The following GNAT3 variants were observed in gnomAD, a reference collection of about 807,000 sequenced individuals.
GNAT3 encodes the protein G protein subunit alpha transducin 3, also known as guanine nucleotide-binding protein G(t) subunit alpha-3.
In GNAT3, 31 loss-of-function variants were observed where a neutral mutation model predicts 37.7. That is an observed-to-expected ratio of 0.82 (90% CI 0.62 to 1.11). The LOEUF (loss-of-function observed/expected upper bound fraction) is 1.11, where lower values mean the gene tolerates loss of function less well. GNAT3 is among the 50% of genes most tolerant of loss of function. The probability of loss-of-function intolerance (pLI) is 0.00; values close to 1 mark genes in which losing one functional copy is unlikely to be tolerated. For missense variants in GNAT3, 437 were observed against 412.5 expected, an observed-to-expected ratio of 1.06 and a Z score of -0.51; for synonymous variants, 138 against 139.8, an observed-to-expected ratio of 0.99 and a Z score of 0.09.
chr7:80,495,184 C>T (rs563432492), intron 1 of GNAT3, among the ~76,000 whole-genome samples: 4 of 152,134 alleles, frequency 2.6e-5, no homozygotes, highest in African/African-American at 9.6e-5. Context: ...ATAAATAGTG[C>T]TGCAATAAAC....
At chr7:80,497,587 C>CGT (rs1562732799) in intron 1 of GNAT3, among the ~76,000 whole-genome samples, 2 of 134,952 alleles carry the variant, frequency 1.5e-5, no homozygotes, top group African/African-American at 6.0e-5. Context: ...TACGTATATA[C>CGT]ATATACGTAT....
At chr7:80,497,579 C>T (rs967142776) in intron 1 of GNAT3, among the ~76,000 whole-genome samples, 3 of 132,494 alleles carry the variant, frequency 2.3e-5, no homozygotes, top group African/African-American at 5.7e-5. Context: ...TATACATATA[C>T]GTATATACAT....
chr7:80,476,047 G>A (rs987169142), intron 4 of GNAT3, among the ~76,000 whole-genome samples: 3 of 151,980 alleles, frequency 2.0e-5, no homozygotes, highest in Admixed American at 2.0e-4. Context: ...TGTGGTAGGT[G>A]TGTTGTTGGT....
chr7:80,471,198 T>A (rs1190155013), intron 5 of GNAT3, among the ~76,000 whole-genome samples: 1 of 150,290 alleles, frequency 6.7e-6, no homozygotes, highest in Non-Finnish European at 1.5e-5. Context: ...TCTTTTCACA[T>A]TTTTCTGCTT....
At chr7:80,472,141 A>T (rs1459435711) in intron 5 of GNAT3, among the ~76,000 whole-genome samples, 1 of 152,094 alleles carries the variant, frequency 6.6e-6, no homozygotes, top group African/African-American at 2.4e-5. Flanking sequence ...AATTTTTTTT[A>T]AAAGGAAAGC....
chr7:80,462,363 G>T, intron 6 of GNAT3, 51 bp from the exon 7 acceptor site: 1 of 1,573,032 alleles, frequency 6.4e-7, no homozygotes, highest in Non-Finnish European at 8.7e-7. Flanking sequence ...TGCAAAATGT[G>T]AATGTTGAGC....
At chr7:80,475,362 A>T (rs949349891) in intron 4 of GNAT3, among the ~76,000 whole-genome samples, 4 of 126,074 alleles carry the variant, frequency 3.2e-5, no homozygotes, top group African/African-American at 1.3e-4. Context: ...TCTTCATACT[A>T]AAAAAAAAAA....
intron 1 of GNAT3, among the ~76,000 whole-genome samples, chr7:80,496,042 C>A (rs903511105): frequency 4.6e-5 from 7 of 152,108 alleles, no homozygotes; most frequent in African/African-American, 1.4e-4. Flanking sequence ...CTGTGCAGAG[C>A]TTTTCGTTTG....
rs117055392 is a variant in GNAT3, at chr7:80,489,754, G to C, written c.162-1078C>G. On this transcript the variant is annotated intron_variant, in intron 2 of 7. Transcript: ENST00000398291. The stretch of plus-strand genomic sequence containing the variant: ...ACATAAGTAAATAAAATAGACAAAG[G>C]CTGTAGAAAAAAATGCAGTAAAATG... Among the ~76,000 whole-genome samples the C allele has an allele frequency of 1.5e-3, 221 of 152,116 alleles. 3 individuals carry two copies. In the East Asian group the frequency reaches 0.038, roughly 26 times the overall value.
At chr7:80,459,326 T>C (rs1790010171) in intron 7 of GNAT3, among the ~76,000 whole-genome samples, 1 of 152,178 alleles carries the variant, frequency 6.6e-6, no homozygotes, top group Non-Finnish European at 1.5e-5. Flanking sequence ...ATTGTAGCAC[T>C]AGACTTGAGG....
In GNAT3 at chr7:80,474,343, C is replaced by G. The variant is rs937684471; in HGVS notation, c.498G>C (p.Gly166=). 32 of 1,552,794 alleles carry G rather than the reference C, an allele frequency of 2.1e-5. No individual in the cohort carries two copies. In the Admixed American group the frequency reaches 3.1e-4, roughly 15 times the overall value. ...GAACATCTTGTTCATTTGGCACATA[C>G]CCAGATGCTGTTATTCTATCTAAAT... ...LNDLDRITAS[G]YVPNEQDVLH... The change falls in exon 5 of 8, where the codon GGG becomes GGC. Residue 166 remains glycine (G), a synonymous_variant. Coordinates refer to ENST00000398291, the MANE Select transcript of GNAT3 (RefSeq NM_001102386.3).
At chr7:80,471,327 A>G (rs1027910781) in intron 5 of GNAT3, among the ~76,000 whole-genome samples, 5 of 151,574 alleles carry the variant, frequency 3.3e-5, no homozygotes, top group Non-Finnish European at 5.9e-5. Flanking sequence ...ACCCTCAGAG[A>G]CACACCCAAG....
chr7:80,462,216 T>A lies in GNAT3; in HGVS notation c.817A>T (p.Ile273Phe). ...SIVLFLNKKD[I>F]FQEKVTKVHL... The stretch of plus-strand genomic sequence containing the variant: ...ACCTTGGTTACCTTTTCTTGAAAGA[T>A]ATCTTTTTTGTTGAGGAACAGGACA... Residue 273 changes from isoleucine (I) to phenylalanine (F), a missense_variant, in exon 7 of 8, where the codon ATC becomes TTC. Ile to Phe is a conservative substitution (Grantham distance 21). Coordinates refer to ENST00000398291, the MANE Select transcript of GNAT3 (RefSeq NM_001102386.3). 4.4e-6 allele frequency: 7 copies of A among 1,606,830 alleles called. No homozygotes were observed. Among genetic ancestry groups the A allele is most frequent in the Non-Finnish European group, 6.0e-6 (7 of 1,175,782 alleles).
chr7:80,510,334 A>G lies in GNAT3; in HGVS notation c.118+1475T>C, dbSNP rs117199280. On this transcript the variant is annotated intron_variant, in intron 1 of 7. Transcript: ENST00000398291. ...GGCTTTCCATTTGTATTTTTACAAA[A>G]TAAGAGAATATGTAAAAAAATAGAT... 1.4e-3 allele frequency among the ~76,000 whole-genome samples: 217 copies of G among 152,302 alleles called. 2 individuals are homozygous for G. The highest frequency in any genetic ancestry group is 0.012 in the East Asian group (63 of 5,184).
intron 5 of GNAT3, among the ~76,000 whole-genome samples, chr7:80,473,183 G>A (rs527905915): frequency 2.0e-5 from 3 of 152,208 alleles, no homozygotes; most frequent in East Asian, 1.9e-4. Flanking sequence ...GATCCCAATC[G>A]GTGCAGTCCC....
intron 2 of GNAT3, among the ~76,000 whole-genome samples, chr7:80,490,653 CAAGCACTATTGT>C (rs765976207): frequency 2.0e-5 from 3 of 152,134 alleles, no homozygotes; most frequent in Non-Finnish European, 2.9e-5. Context: ...CAATATGTGC[CAAGCACTATTGT>C]AAGCACTTCA....
chr7:80,475,637 C>T (rs1315745677), intron 4 of GNAT3, among the ~76,000 whole-genome samples: 1 of 151,758 alleles, frequency 6.6e-6, no homozygotes, highest in Non-Finnish European at 1.5e-5. Flanking sequence ...ATTGTTTGTT[C>T]AGTGATTAAG....
At chr7:80,504,035 G>A (rs1484308903) in intron 1 of GNAT3, among the ~76,000 whole-genome samples, 2 of 152,140 alleles carry the variant, frequency 1.3e-5, no homozygotes, top group Non-Finnish European at 2.9e-5. Flanking sequence ...AAAAGTTATC[G>A]CTCAGGGTGG....
At chr7:80,487,708 G>T (rs1790515454) in intron 3 of GNAT3, 2 of 152,010 alleles carry the variant, frequency 1.3e-5, no homozygotes, top group African/African-American at 2.4e-5. Flanking sequence ...GAATTACGTT[G>T]GTAGGCATTC....
Sources: gnomAD v4.1 joint callset for allele counts (sites outside exome capture counted in the v4.1 genomes callset) on GRCh38, gnomAD v4.1.1 for gene constraint, MANE v1.5 for transcripts, NCBI Gene and HGNC (gene_info 2026-07-23, HGNC 2026-07-21) for gene names.